The following NCOR2 variants were observed in gnomAD, a reference collection of about 807,000 sequenced individuals.
NCOR2 encodes the protein nuclear receptor corepressor 2, also known as CTG repeat protein 26.
In NCOR2, 81 loss-of-function variants were observed where a neutral mutation model predicts 262.9. The observed-to-expected ratio is 0.31, with a 90% confidence interval of 0.26 to 0.37. The LOEUF (loss-of-function observed/expected upper bound fraction) is 0.37. NCOR2 is among the 10% of genes least tolerant of loss of function. The probability of loss-of-function intolerance (pLI) is 1.00; values close to 1 mark genes in which losing one functional copy is unlikely to be tolerated. For synonymous variants in NCOR2, 1,659 were observed against 1,559.3 expected, an observed-to-expected ratio of 1.06 and a Z score of -1.51; for missense variants, 3,385 against 3,621.4, an observed-to-expected ratio of 0.93 and a Z score of 1.68.
intron 22 of NCOR2, among the ~76,000 whole-genome samples, chr12:124,357,825 C>T (rs1281526891): frequency 8.8e-5 from 6 of 68,440 alleles, no homozygotes; most frequent in Admixed American, 6.0e-4. Flanking sequence ...CGCGCGTGCA[C>T]GTGTATGTGC....
chr12:124,488,877 G>A (rs752678935), intron 1 of NCOR2, among the ~76,000 whole-genome samples: 1 of 152,244 alleles, frequency 6.6e-6, no homozygotes, highest in East Asian at 1.9e-4. Flanking sequence ...GGCCCGAAGT[G>A]GGGGCTGGGG....
chr12:124,359,138 C>T (rs1274862420), intron 22 of NCOR2, among the ~76,000 whole-genome samples: 1 of 152,224 alleles, frequency 6.6e-6, no homozygotes, highest in Non-Finnish European at 1.5e-5. Flanking sequence ...TTCCTGCTGG[C>T]CTCTCGCCCT....
chr12:124,498,064 G>GTC (rs2136924681), upstream of NCOR2, among the ~76,000 whole-genome samples: 1 of 152,322 alleles, frequency 6.6e-6, no homozygotes, highest in East Asian at 1.9e-4. Context: ...ACAGTTCCCG[G>GTC]TCTCTCGGAG....
intron 37 of NCOR2, among the ~76,000 whole-genome samples, chr12:124,338,463 G>A (rs1285853776): frequency 3.4e-5 from 5 of 146,778 alleles, no homozygotes; most frequent in South Asian, 2.2e-4. Context: ...AGCAGAGATC[G>A]TACCACTGCA....
chr12:124,439,235 G>A (rs1026120336), intron 7 of NCOR2, among the ~76,000 whole-genome samples: 9 of 128,964 alleles, frequency 7.0e-5, no homozygotes, highest in South Asian at 2.7e-4. Flanking sequence ...AGAGACAGAG[G>A]GAGACAGAGA....
Position 124,354,779 on chromosome 12 carries a change from C to T in NCOR2, c.3484+58G>A, listed in dbSNP as rs374276372. On this transcript the variant is annotated intron_variant, in intron 25 of 46. Transcript: ENST00000405201. ...GATACCCCTTCCTCCCCCGCCCCAC[C>T]CACAGGACAGCCAGAGCCCAGCCTG... 63 of 1,539,248 alleles carry T rather than the reference C, an allele frequency of 4.1e-5. No individual in the cohort carries two copies. The East Asian group carries it at 1.1e-3, about 26-fold the overall frequency.
At chr12:124,340,250 C>T (rs1433110119) in intron 36 of NCOR2, 44 bp downstream of exon 38, 15 of 1,606,202 alleles carry the variant, frequency 9.3e-6, no homozygotes, top group Middle Eastern at 1.6e-4. Flanking sequence ...TCTTGCGGCC[C>T]ACAAGGAGTC....
chr12:124,334,088 T>C (rs1282200221), intron 41 of NCOR2, among the ~76,000 whole-genome samples: 2 of 151,958 alleles, frequency 1.3e-5, no homozygotes, highest in Admixed American at 6.6e-5. Flanking sequence ...ACCTACTGAC[T>C]GTGCCCCTGT....
At chr12:124,372,102 C>T (rs201104957) in exon 20 of NCOR2, 38 of 1,603,008 alleles carry the variant, frequency 2.4e-5, no homozygotes, top group East Asian at 4.5e-5. Flanking sequence ...GGGGGGCGCC[C>T]GAGCTCTTGG....
chr12:124,536,525 A>C (rs976678146), upstream of NCOR2, among the ~76,000 whole-genome samples: 2 of 152,208 alleles, frequency 1.3e-5, no homozygotes, highest in African/African-American at 4.8e-5. Flanking sequence ...CGCTTCACCA[A>C]AGAGTACATA....
At chr12:124,374,305 A>C (rs2039806105) in intron 19 of NCOR2, 108 bp downstream of exon 21, 1 of 1,148,654 alleles carries the variant, frequency 8.7e-7, no homozygotes. Flanking sequence ...TGGCGCTCAC[A>C]GAAAGAGGCA....
chr12:124,417,422 C>G (rs1200861643), intron 13 of NCOR2, among the ~76,000 whole-genome samples: 9 of 152,160 alleles, frequency 5.9e-5, no homozygotes, highest in Admixed American at 5.9e-4. Flanking sequence ...TCCCTCTGTG[C>G]AAATGTGGCT....
In NCOR2 at chr12:124,363,499, G is replaced by A. The variant is rs185286170; in HGVS notation, c.2928+180C>T. On this transcript the variant is annotated intron_variant, in intron 21 of 46. Transcript: ENST00000405201. ...CCCGCCTTCACTGGGAGCCCCACCC[G>A]GTACGCCTGCCAGCTTCCCCAGCTG... Among the ~76,000 whole-genome samples the A allele has an allele frequency of 5.3e-5, 8 of 152,352 alleles. No homozygotes were observed. In the East Asian group the frequency reaches 1.5e-3, roughly 29 times the overall value.
At position 124,454,874 on chromosome 12, in the gene NCOR2, A is replaced by G. The variant is rs953790052; in HGVS notation, c.762+2232T>C. Among the ~76,000 whole-genome samples the G allele has an allele frequency of 1.3e-5, 2 of 152,198 alleles. No homozygotes were observed. Among genetic ancestry groups the G allele is most frequent in the African/African-American group, 2.4e-5 (1 of 41,456 alleles). On this transcript the variant is annotated intron_variant, in intron 6 of 46. Transcript: ENST00000405201. The surrounding 1 kb of genome is among the most constrained non-coding windows in gnomAD (Gnocchi z 5.6). ...ACTAATGTTCACAGCAACTTTATTC[A>G]CAATACCCCAAATATGCAAACAATC... is the stretch of plus-strand genomic sequence containing the variant.
rs773546698 is a variant in NCOR2, at chr12:124,347,818, G to A, written c.4072+7C>T. ...GGGCAACGAGGGAGCAGGGAACAGG[G>A]CAGTACCTTGTGTGATGGACCCGCG... On this transcript the variant is annotated splice_region_variant and intron_variant, in intron 30 of 46. Transcript: ENST00000405201. The A allele has an allele frequency of 5.1e-6, 8 of 1,559,460 alleles. No individual in the cohort carries two copies. In the South Asian group the frequency reaches 8.3e-5, roughly 16 times the overall value.
intron 40 of NCOR2, 130 bp downstream of exon 42, chr12:124,335,005 C>T: frequency 7.1e-7 from 1 of 1,414,910 alleles, no homozygotes. Context: ...CTGGATCCCC[C>T]CAGCGCCATG....
rs756301191 is a variant in NCOR2, at chr12:124,443,221, C to T, written c.816-5225G>A. 6.6e-6 allele frequency among the ~76,000 whole-genome samples: 1 copy of T among 152,218 alleles called. No homozygotes were observed. Among genetic ancestry groups the T allele is most frequent in the African/African-American group, 2.4e-5 (1 of 41,462 alleles). ...CTGTCACTGCAGCTGGAAAACGACT[C>T]GGTGAGCATGAGGCCTCGGGGTGGT... On this transcript the variant is annotated intron_variant, in intron 7 of 46. Transcript: ENST00000405201. The surrounding 1 kb of genome is among the most constrained non-coding windows in gnomAD (Gnocchi z 4.4).
intron 1 of NCOR2, among the ~76,000 whole-genome samples, chr12:124,501,062 GCACACACACACACACACACACA>G (rs3040848): frequency 1.1e-4 from 16 of 147,920 alleles, no homozygotes; most frequent in East Asian, 8.3e-4. Flanking sequence ...GCGCACGCGC[GCACACACACACACACACACACA>G]CACACACACA....
intron 13 of NCOR2, among the ~76,000 whole-genome samples, chr12:124,406,551 CAGAA>C (rs2042288419): frequency 6.6e-6 from 1 of 152,204 alleles, no homozygotes; most frequent in African/African-American, 2.4e-5. Flanking sequence ...AAAGGAGAAT[CAGAA>C]AGAACTAGAA....
Sources: gnomAD v4.1 joint callset for allele counts (sites outside exome capture counted in the v4.1 genomes callset) on GRCh38, gnomAD v4.1.1 for gene constraint, Gnocchi (gnomAD v3.1) non-coding constraint, MANE v1.5 for transcripts, NCBI Gene and HGNC (gene_info 2026-07-23, HGNC 2026-07-21) for gene names.